ST6GALNAC3: variants seen among roughly 807,000 people sequenced by gnomAD.
The protein encoded by ST6GALNAC3 is ST6 N-acetylgalactosaminide alpha-2,6-sialyltransferase 3, also known as alpha-N-acetylgalactosaminide alpha-2,6-sialyltransferase 3.
A neutral mutation model predicts 32.7 loss-of-function variants in ST6GALNAC3; 25 were observed. The ratio of observed to expected loss-of-function variants is 0.76; its 90% CI spans 0.56 to 1.07. ST6GALNAC3 has a LOEUF of 1.07. ST6GALNAC3 is among the 50% of genes least tolerant of loss of function. The pLI is 0.00. For missense variants in ST6GALNAC3, 355 were observed against 382.4 expected, an observed-to-expected ratio of 0.93 and a Z score of 0.60; for synonymous variants, 129 against 133.1, an observed-to-expected ratio of 0.97 and a Z score of 0.21.
chr1:76,276,922 AT>A (rs1302206501), intron 1 of ST6GALNAC3, among the ~76,000 whole-genome samples: 1 of 152,120 alleles, frequency 6.6e-6, no homozygotes, highest in Non-Finnish European at 1.5e-5. Flanking sequence ...GGCTGAGAAT[AT>A]TTGCATTTTT....
At chr1:76,361,003 C>A (rs1196017985) in intron 2 of ST6GALNAC3, among the ~76,000 whole-genome samples, 1 of 151,652 alleles carries the variant, frequency 6.6e-6, no homozygotes, top group Admixed American at 6.6e-5. Flanking sequence ...TGATTTCTCT[C>A]CAAATGAGTG....
chr1:76,520,202 C>T (rs985584087), intron 3 of ST6GALNAC3, among the ~76,000 whole-genome samples: 6 of 151,882 alleles, frequency 4.0e-5, no homozygotes, highest in Non-Finnish European at 7.4e-5. Flanking sequence ...ATTTACTCAG[C>T]ACAAATGAGA....
intron 3 of ST6GALNAC3, among the ~76,000 whole-genome samples, chr1:76,618,039 A>G (rs116043144): frequency 2.8e-4 from 43 of 152,338 alleles, no homozygotes; most frequent in East Asian, 2.3e-3. Context: ...TAGTGTCTCT[A>G]TACTAAAAAT....
intron 1 of ST6GALNAC3, among the ~76,000 whole-genome samples, chr1:76,201,105 A>G (rs1308103095): frequency 6.6e-6 from 1 of 152,224 alleles, no homozygotes; most frequent in Non-Finnish European, 1.5e-5. Flanking sequence ...TTATGTTCAG[A>G]CTGAGAACCA....
chr1:76,174,923 C>T (rs1652756975), intron 1 of ST6GALNAC3, among the ~76,000 whole-genome samples: 1 of 152,114 alleles, frequency 6.6e-6, no homozygotes. Flanking sequence ...CTGCCTCAGC[C>T]TTCCAAAGTG....
chr1:76,391,522 A>ACCTTCCTTCCTT (rs71071997), intron 2 of ST6GALNAC3, among the ~76,000 whole-genome samples: 20 of 137,730 alleles, frequency 1.5e-4, no homozygotes, highest in South Asian at 7.5e-4. Context: ...ATTAGGAAAG[A>ACCTTCCTTCCTT]CCTTCCTTCC....
At chr1:76,078,098 G>A (rs930868169) in intron 1 of ST6GALNAC3, among the ~76,000 whole-genome samples, 6 of 152,200 alleles carry the variant, frequency 3.9e-5, no homozygotes, top group African/African-American at 1.4e-4. Context: ...GTTGTGTTTT[G>A]AAGACTAAAT....
chr1:76,551,133 C>T (rs1266398478), intron 3 of ST6GALNAC3, among the ~76,000 whole-genome samples: 1 of 152,174 alleles, frequency 6.6e-6, no homozygotes, highest in African/African-American at 2.4e-5. Context: ...TGAGTATCAG[C>T]ATTATTATTA....
intron 1 of ST6GALNAC3, among the ~76,000 whole-genome samples, chr1:76,100,949 G>C (rs1647210833): frequency 6.6e-6 from 1 of 151,988 alleles, no homozygotes; most frequent in African/African-American, 2.4e-5. Context: ...TCCGTGCACA[G>C]CCTTCCCTGT....
intron 2 of ST6GALNAC3, among the ~76,000 whole-genome samples, chr1:76,384,114 A>G (rs1407061387): frequency 2.0e-5 from 3 of 152,158 alleles, no homozygotes; most frequent in Non-Finnish European, 4.4e-5. Flanking sequence ...TTGCTTAACT[A>G]TGTAAAAAAT....
intron 1 of ST6GALNAC3, among the ~76,000 whole-genome samples, chr1:76,202,424 T>A (rs1654581595): frequency 6.6e-6 from 1 of 152,124 alleles, no homozygotes; most frequent in East Asian, 1.9e-4. Flanking sequence ...CATATGTGTG[T>A]GAAGCCCTAA....
intron 2 of ST6GALNAC3, among the ~76,000 whole-genome samples, chr1:76,377,463 A>AGAGT (rs71892666): frequency 6.6e-6 from 1 of 151,234 alleles, no homozygotes; most frequent in Non-Finnish European, 1.5e-5. Flanking sequence ...CACAGGGCAG[A>AGAGT]GAGAGAGAGA....
At position 76,629,035 on chromosome 1, in the gene ST6GALNAC3, C is replaced by A; in HGVS notation, c.*229C>A. The A allele has an allele frequency of 1.5e-6, 2 of 1,295,746 alleles. No homozygotes were observed. The highest frequency in any genetic ancestry group is 9.8e-7 in the Non-Finnish European group (1 of 1,025,314). 80.3% of individuals were successfully genotyped at this position (1,295,746 alleles called of 1,614,324 possible). ...CTTTCTGGAGGTTCAACACTACGTA[C>A]CGCACTTTATAATTTAACTGGAATT... On this transcript the variant is annotated 3_prime_UTR_variant, in exon 5 of 5. Transcript: ENST00000328299.
chr1:76,228,448 C>T (rs753965732), intron 1 of ST6GALNAC3, among the ~76,000 whole-genome samples: 2 of 152,128 alleles, frequency 1.3e-5, no homozygotes, highest in Admixed American at 6.6e-5. Context: ...AGTAACCTTG[C>T]GAAGAAAGAT....
chr1:76,548,246 T>C (rs534021772), intron 3 of ST6GALNAC3, among the ~76,000 whole-genome samples: 43 of 152,306 alleles, frequency 2.8e-4, no homozygotes, highest in African/African-American at 9.4e-4. Context: ...ATGTCCCCTC[T>C]TCTAAAAGGC....
At chr1:76,233,786 T>TACACC (rs1656497923) in intron 1 of ST6GALNAC3, among the ~76,000 whole-genome samples, 1 of 152,230 alleles carries the variant, frequency 6.6e-6, no homozygotes, top group Admixed American at 6.5e-5. Flanking sequence ...TACATGGATA[T>TACACC]ATTACAGTAG....
chr1:76,421,101 G>A (rs1477723961), intron 3 of ST6GALNAC3, among the ~76,000 whole-genome samples: 4 of 151,988 alleles, frequency 2.6e-5, no homozygotes, highest in East Asian at 3.9e-4. Flanking sequence ...ATAAATGGAC[G>A]AGTAAAAGAA....
intron 1 of ST6GALNAC3, among the ~76,000 whole-genome samples, chr1:76,217,287 A>G (rs1301941189): frequency 1.3e-5 from 2 of 152,210 alleles, no homozygotes; most frequent in Non-Finnish European, 2.9e-5. Context: ...CATTTTTAGA[A>G]CTAGATTTTT....
At chr1:76,352,782 T>C (rs1649101610) in intron 2 of ST6GALNAC3, among the ~76,000 whole-genome samples, 1 of 152,162 alleles carries the variant, frequency 6.6e-6, no homozygotes, top group Non-Finnish European at 1.5e-5. Flanking sequence ...ACATCTGTTC[T>C]ACATTCCTCC....
Sources: gnomAD v4.1 joint callset for allele counts (sites outside exome capture counted in the v4.1 genomes callset) on GRCh38, gnomAD v4.1.1 for gene constraint, MANE v1.5 for transcripts, NCBI Gene and HGNC (gene_info 2026-07-23, HGNC 2026-07-21) for gene names.